MAP10: variants seen among roughly 807,000 people sequenced by gnomAD.
MAP10 encodes microtubule associated protein 10, also known as microtubule-associated protein 10.
Under a neutral mutation model 6.3 loss-of-function variants are expected in MAP10, and 10 were observed. That is an observed-to-expected ratio of 1.58 (90% CI 0.98 to 2.69). The LOEUF is 2.69. Ranked by LOEUF, MAP10 falls within the 30% of genes most tolerant of loss-of-function variation. The probability of loss-of-function intolerance (pLI) is 0.00; values close to 1 mark genes in which losing one functional copy is unlikely to be tolerated. For synonymous variants in MAP10, 459 were observed against 429.3 expected, an observed-to-expected ratio of 1.07 and a Z score of -0.86; for missense variants, 1,189 against 1,086.5, an observed-to-expected ratio of 1.09 and a Z score of -1.33.
At position 232,806,670 on chromosome 1, in the gene MAP10, G is replaced by A; in HGVS notation, c.1221G>A (p.Leu407=). The A allele has an allele frequency of 6.2e-7, 1 of 1,613,884 alleles. No homozygotes were observed. The highest frequency in any genetic ancestry group is 8.5e-7 in the Non-Finnish European group (1 of 1,179,892). Residue 407 remains leucine (L), a synonymous_variant, in exon 1 of 1, where the codon TTG becomes TTA. Transcript: ENST00000418460. ...ATGCTTTGTTAGTTGAGTTGTCCTT[G>A]TTATATGACCAACCTGTGACAAGTC... The part of the protein sequence containing the change: ...LLNALLVELS[L]LYDQPVTSPA...
chr1:232,806,270 C>G, the MAP10 span: 1 of 1,613,842 alleles, frequency 6.2e-7, no homozygotes, highest in African/African-American at 1.3e-5. Flanking sequence ...GTTACATGTT[C>G]AGGTGCTGGC....
In MAP10 at chr1:232,805,524, G is replaced by C. The variant is rs1167865151; in HGVS notation, c.75G>C (p.Leu25=). 6.4e-7 allele frequency: 1 copy of C among 1,565,628 alleles called. No individual in the cohort carries two copies. The highest frequency in any genetic ancestry group is 8.7e-7 in the Non-Finnish European group (1 of 1,155,054). The change falls in exon 1 of 1, where the codon CTG becomes CTC. Residue 25 remains leucine (L), a synonymous_variant. Transcript: ENST00000418460. ...ACTGGGTGCGTTTGGAAGCCCGGCT[G>C]CTGCCGTCCCCCGCTGCCGCAGTGG... ...LVDWVRLEAR[L]LPSPAAAVEQ...
In MAP10 at chr1:232,806,839, C is replaced by A. The variant is rs369994937; in HGVS notation, c.1390C>A (p.Gln464Lys). ...VGGCEKSVSL[Q>K]YKKNQIENYK... The stretch of plus-strand genomic sequence containing the variant: ...GGGATGTGAAAAGTCAGTGAGTCTT[C>A]AGTATAAAAAGAACCAAATTGAAAA... Residue 464 changes from glutamine to lysine, a missense_variant, in exon 1 of 1, where the codon CAG becomes AAG. Gln to Lys is a moderately conservative substitution (Grantham distance 53). Coordinates refer to ENST00000418460, the MANE Select transcript of MAP10 (RefSeq NM_019090.3). The A allele has an allele frequency of 5.0e-6, 8 of 1,612,814 alleles. No individual in the cohort carries two copies. The highest frequency in any genetic ancestry group is 1.3e-5 in the African/African-American group (1 of 74,808).
chr1:232,806,841 G>T lies in MAP10; in HGVS notation c.1392G>T (p.Gln464His). The change falls in exon 1 of 1, where the codon CAG becomes CAT. Residue 464 changes from glutamine to histidine, a missense_variant. Transcript: ENST00000418460. Reference sequence around the variant, plus strand: ...GATGTGAAAAGTCAGTGAGTCTTCAGTATAAAAAGAACCAAATTGAAAACT... The same window carrying T: ...GATGTGAAAAGTCAGTGAGTCTTCATTATAAAAAGAACCAAATTGAAAACT... ...VGGCEKSVSL[Q>H]YKKNQIENYK... 6.2e-7 allele frequency: 1 copy of T among 1,613,094 alleles called. No homozygotes were observed.
Position 232,809,325 on chromosome 1 carries a change from C to T in MAP10, c.*1158C>T, listed in dbSNP as rs532225751. The stretch of plus-strand genomic sequence containing the variant: ...AATGTATGAAGTGAGGTTCTAATTT[C>T]CTTTCTTTAAAGGTAATTAATTATA... On this transcript the variant is annotated 3_prime_UTR_variant, in exon 1 of 1. Transcript: ENST00000418460. 4.1e-4 allele frequency among the ~76,000 whole-genome samples: 63 copies of T among 151,856 alleles called. No individual in the cohort carries two copies. In the South Asian group the frequency reaches 0.011, roughly 27 times the overall value.
Position 232,808,048 on chromosome 1 carries a change from A to C in MAP10, c.2599A>C (p.Ser867Arg). The stretch of plus-strand genomic sequence containing the variant: ...TGTGTCCGAACTTAATGTCCTGGAT[A>C]GCAGTACATCAGATCACTTTGAAGA... ...SNVSELNVLDSSTSDHFEEGN... is the reference protein window; with the variant it reads ...SNVSELNVLDRSTSDHFEEGN... The change falls in exon 1 of 1, where the codon AGC becomes CGC. Residue 867 changes from serine to arginine, a missense_variant. Ser to Arg is a moderately radical substitution (Grantham distance 110, BLOSUM62 -1). Coordinates refer to ENST00000418460, the MANE Select transcript of MAP10 (RefSeq NM_019090.3). 6.2e-7 allele frequency: 1 copy of C among 1,612,916 alleles called. No individual in the cohort carries two copies. The highest frequency in any genetic ancestry group is 8.5e-7 in the Non-Finnish European group (1 of 1,179,070).
rs777432774 is a variant in MAP10 at position 232,807,894 on chromosome 1, T to C, written c.2445T>C (p.Asn815=). Residue 815 remains asparagine, a synonymous_variant, in exon 1 of 1, where the codon AAT becomes AAC. Coordinates refer to ENST00000418460, the MANE Select transcript of MAP10 (RefSeq NM_019090.3). ...TEQKENQIDQ[N]SMHNSEITKR... is the part of the protein sequence containing the mutation. ...AAAAAGAAAACCAGATAGATCAAAA[T>C]AGTATGCACAATTCTGAAATTACAA... The C allele has an allele frequency of 4.3e-6, 7 of 1,613,514 alleles. No homozygotes were observed. Among genetic ancestry groups the C allele is most frequent in the African/African-American group, 1.3e-5 (1 of 74,868 alleles).
In MAP10 at chr1:232,806,271, A is replaced by G; in HGVS notation, c.822A>G (p.Ser274=). Residue 274 remains serine, a synonymous_variant, in exon 1 of 1, where the codon TCA becomes TCG. Transcript: ENST00000418460. ...AAACCAATTCTGTTGTTACATGTTC[A>G]GGTGCTGGCAATGGGAGAAATGTTA... ...NGKTNSVVTC[S]GAGNGRNVSS... 6.2e-7 allele frequency: 1 copy of G among 1,614,022 alleles called. No individual in the cohort carries two copies. The highest frequency in any genetic ancestry group is 8.5e-7 in the Non-Finnish European group (1 of 1,179,900).
Position 232,805,851 on chromosome 1 carries a change from C to T in MAP10, c.402C>T (p.Ala134=). ...CGCCCACCCCACAGCTCCTGGGGGC[C>T]TGCGACATTTCGCTGGCCACCGCAG... is the stretch of plus-strand genomic sequence containing the variant. ...RPTPTPQLLG[A]CDISLATAAH... Residue 134 remains alanine (A), a synonymous_variant, in exon 1 of 1, where the codon GCC becomes GCT. Transcript: ENST00000418460. 2 of 1,590,876 alleles carry T rather than the reference C, an allele frequency of 1.3e-6. No homozygotes were observed. The highest frequency in any genetic ancestry group is 1.7e-6 in the Non-Finnish European group (2 of 1,168,206).
At position 232,805,873 on chromosome 1, in the gene MAP10, G is replaced by A. The variant is rs1322689455; in HGVS notation, c.424G>A (p.Ala142Thr). ...GGCCTGCGACATTTCGCTGGCCACCGCAGCGCACAGGGTCGTGGGGCCGGC... is the reference window on the plus strand; with the variant it reads ...GGCCTGCGACATTTCGCTGGCCACCACAGCGCACAGGGTCGTGGGGCCGGC... ...LGACDISLAT[A>T]AHRVVGPAAS... Residue 142 changes from alanine (A) to threonine (T), a missense_variant, in exon 1 of 1, where the codon GCA (alanine) becomes ACA (threonine). By Grantham distance (58) the Ala-to-Thr change is moderately conservative. Coordinates refer to ENST00000418460, the MANE Select transcript of MAP10 (RefSeq NM_019090.3). 1.3e-6 allele frequency: 2 copies of A among 1,594,468 alleles called. No individual in the cohort carries two copies. The highest frequency in any genetic ancestry group is 1.7e-5 in the Admixed American group (1 of 57,738).
At position 232,807,668 on chromosome 1, in the gene MAP10, A is replaced by G. The variant is rs143216007; in HGVS notation, c.2219A>G (p.Tyr740Cys). ...ACAGAAAATCCAAAACATAGTCAAT[A>G]TACAAGCAAGTCTAGTGACACAGGA... Reference protein sequence around the residue: ...SRTENPKHSQYTSKSSDTGVS... With the variant: ...SRTENPKHSQCTSKSSDTGVS... The change falls in exon 1 of 1, where the codon TAT becomes TGT. Residue 740 changes from tyrosine to cysteine, a missense_variant. Tyr to Cys is a radical substitution (Grantham distance 194, BLOSUM62 -2). Transcript: ENST00000418460. 1 of 1,612,360 alleles carries G rather than the reference A, an allele frequency of 6.2e-7. No homozygotes were observed. The highest frequency in any genetic ancestry group is 8.5e-7 in the Non-Finnish European group (1 of 1,179,098).
rs762985587 is a variant in MAP10, at chr1:232,806,598, A to G, written c.1149A>G (p.Gln383=). Residue 383 remains glutamine (Q), a synonymous_variant, in exon 1 of 1, where the codon CAA becomes CAG. Transcript: ENST00000418460. ...TAGGAGCAACTAATCAAACATGTCA[A>G]ACTGAACAAAATCGAATTAATACAA... The part of the protein sequence containing the change: ...QNIGATNQTC[Q]TEQNRINTIR... The G allele has an allele frequency of 6.2e-6, 10 of 1,613,804 alleles. No homozygotes were observed. In the East Asian group the frequency reaches 2.2e-4, roughly 36 times the overall value.
rs1356341307 is a variant in MAP10, at chr1:232,808,212, T to G, written c.*45T>G. The G allele has an allele frequency of 9.2e-6, 12 of 1,297,438 alleles. No homozygotes were observed. The highest frequency in any genetic ancestry group is 1.1e-5 in the Non-Finnish European group (11 of 986,864). The allele number at this position is 1,297,438 out of a possible 1,614,324, so 80.4% of individuals were successfully genotyped here. A position where few individuals can be genotyped will look rare whatever the true frequency, so the allele number is the denominator to read the frequency against. On this transcript the variant is annotated 3_prime_UTR_variant, in exon 1 of 1. Transcript: ENST00000418460. ...ACTTTCAAGGACCTATGTGTACTGT[T>G]AGTGAAAAAAATTTTAAAGCTGTTT...
rs766159750 is a variant in MAP10 at position 232,806,715 on chromosome 1, C to T, written c.1266C>T (p.His422=). ...CAAGTCCTGCTCATATACATCCTCA[C>T]CTAGCCTGGTTATATAGGACTGAGG... ...PVTSPAHIHP[H]LAWLYRTEDK... The change falls in exon 1 of 1, where the codon CAC becomes CAT. Residue 422 remains histidine, a synonymous_variant. Coordinates refer to ENST00000418460, the MANE Select transcript of MAP10 (RefSeq NM_019090.3). 3.7e-6 allele frequency: 6 copies of T among 1,613,766 alleles called. No homozygotes were observed. In the African/African-American group the frequency reaches 4.0e-5, roughly 11 times the overall value.
In MAP10 at chr1:232,807,516, T is replaced by C. The variant is rs1389776742; in HGVS notation, c.2067T>C (p.Asn689=). ...TAAGTGACAAGAGAACAGGTAAAAATAGTTGCTATGAAAACATCTCAGAAC... is the reference window on the plus strand; with the variant it reads ...TAAGTGACAAGAGAACAGGTAAAAACAGTTGCTATGAAAACATCTCAGAAC... ...ADISDKRTGK[N]SCYENISELK... The change falls in exon 1 of 1, where the codon AAT becomes AAC. Residue 689 remains asparagine (N), a synonymous_variant. Transcript: ENST00000418460. 3 of 1,613,812 alleles carry C rather than the reference T, an allele frequency of 1.9e-6. No individual in the cohort carries two copies. In the South Asian group the frequency reaches 3.3e-5, roughly 18 times the overall value.
At position 232,809,054 on chromosome 1, in the gene MAP10, G is replaced by A. The variant is rs1057257589; in HGVS notation, c.*887G>A. On this transcript the variant is annotated 3_prime_UTR_variant, in exon 1 of 1. Transcript: ENST00000418460. ...GGTGTTCTCTGAAATATTTGGAAAG[G>A]GAAACTTAAGAAGGTATCTTTTATA... is the stretch of plus-strand genomic sequence containing the variant. 1.3e-5 allele frequency among the ~76,000 whole-genome samples: 2 copies of A among 151,996 alleles called. No homozygotes were observed. The highest frequency in any genetic ancestry group is 2.4e-5 in the African/African-American group (1 of 41,418).
chr1:232,806,166 C>A lies in MAP10; in HGVS notation c.717C>A (p.Ile239=). The change falls in exon 1 of 1, where the codon ATC becomes ATA. Residue 239 remains isoleucine, a synonymous_variant. Transcript: ENST00000418460. ...EADKPLGELE[I]PEAQKDLKEM... Reference sequence around the variant, plus strand: ...ATAAGCCGCTGGGGGAGTTAGAAATCCCAGAGGCACAGAAGGATTTGAAGG... The same window carrying A: ...ATAAGCCGCTGGGGGAGTTAGAAATACCAGAGGCACAGAAGGATTTGAAGG... 1 of 1,613,980 alleles carries A rather than the reference C, an allele frequency of 6.2e-7. No individual in the cohort carries two copies. The highest frequency in any genetic ancestry group is 8.5e-7 in the Non-Finnish European group (1 of 1,179,882).
chr1:232,805,740 C>A lies in MAP10; in HGVS notation c.291C>A (p.Phe97Leu). ...IRFGRGKSCLFRLQPATLHCR... is the reference protein window; with the variant it reads ...IRFGRGKSCLLRLQPATLHCR... ...TCGGTCGCGGCAAGTCCTGCCTCTT[C>A]CGCCTGCAGCCTGCTACCCTGCACT... The change falls in exon 1 of 1, where the codon TTC becomes TTA. Residue 97 changes from phenylalanine to leucine, a missense_variant. Physicochemically the swap from Phe to Leu is conservative, Grantham distance 22 (BLOSUM62 0). Transcript: ENST00000418460. The A allele has an allele frequency of 6.2e-7, 1 of 1,604,870 alleles. No individual in the cohort carries two copies.
chr1:232,808,877 A>G lies in MAP10; in HGVS notation c.*710A>G, dbSNP rs556611522. On this transcript the variant is annotated 3_prime_UTR_variant, in exon 1 of 1. Coordinates refer to ENST00000418460, the MANE Select transcript of MAP10 (RefSeq NM_019090.3). ...TGCAATAAAAACATTTGTTGAAAAA[A>G]ACGAAGCCCAGGCATTTAAAATACC... 6.6e-6 allele frequency among the ~76,000 whole-genome samples: 1 copy of G among 152,264 alleles called. No homozygotes were observed. The highest frequency in any genetic ancestry group is 1.9e-4 in the East Asian group (1 of 5,182).
Sources: allele counts gnomAD v4.1 joint callset (sites outside exome capture counted in the v4.1 genomes callset), GRCh38; gene constraint gnomAD v4.1.1; transcripts MANE v1.5; gene names NCBI Gene and HGNC (gene_info 2026-07-23, HGNC 2026-07-21).